The following ANKMY2 variants were observed in gnomAD, a reference collection of about 807,000 sequenced individuals.
ANKMY2 encodes ankyrin repeat and MYND domain-containing protein 2.
In ANKMY2, 36 loss-of-function variants were observed where a neutral mutation model predicts 50.4. The ratio of observed to expected loss-of-function variants is 0.71; its 90% CI spans 0.55 to 0.94. The LOEUF is 0.94. Among genes scored for constraint, ANKMY2 ranks in the 40% least tolerant of loss-of-function variants. The pLI is 0.00. For missense variants in ANKMY2, 565 were observed against 524.0 expected, an observed-to-expected ratio of 1.08 and a Z score of -0.76; for synonymous variants, 187 against 178.8, an observed-to-expected ratio of 1.05 and a Z score of -0.36.
chr7:16,604,990 T>C, intron 7 of ANKMY2, 141 bp from the exon 8 acceptor site: 3 of 810,430 alleles, frequency 3.7e-6, no homozygotes, highest in Non-Finnish European at 5.2e-6. Context: ...TTACACAGGC[T>C]TTAAGACAAA....
chr7:16,631,747 T>C (rs1781589228), intron 2 of ANKMY2, among the ~76,000 whole-genome samples: 1 of 151,926 alleles, frequency 6.6e-6, no homozygotes, highest in Non-Finnish European at 1.5e-5. Flanking sequence ...CCCAAGTAGC[T>C]AGAACTACAG....
intron 4 of ANKMY2, among the ~76,000 whole-genome samples, chr7:16,620,591 T>TACACACAC (rs58418780): frequency 0.019 from 2,765 of 145,554 alleles, 75 homozygotes; most frequent in African/African-American, 0.061. Context: ...AATACATGTG[T>TACACACAC]ACACACACAC....
At chr7:16,636,542 G>T in intron 1 of ANKMY2, 87 bp from the exon 2 acceptor site, 2 of 1,031,222 alleles carry the variant, frequency 1.9e-6, no homozygotes, top group Non-Finnish European at 2.8e-6. Context: ...ACCTTAAGGA[G>T]TTATCTGTAA....
intron 7 of ANKMY2, among the ~76,000 whole-genome samples, chr7:16,606,958 A>G (rs777913345): frequency 1.6e-4 from 25 of 152,320 alleles, no homozygotes; most frequent in Middle Eastern, 3.4e-3. Context: ...GGGCCCAGGC[A>G]TTAGCACTGT....
intron 8 of ANKMY2, 137 bp from the exon 9 acceptor site, chr7:16,602,646 T>C: frequency 2.6e-6 from 3 of 1,168,712 alleles, no homozygotes; most frequent in Non-Finnish European, 3.5e-6. Flanking sequence ...GTGGTTGATA[T>C]AGTTTGGATG....
chr7:16,625,149 C>A, intron 3 of ANKMY2, 68 bp from the exon 4 acceptor site: 2 of 1,216,956 alleles, frequency 1.6e-6, no homozygotes, highest in Admixed American at 1.8e-5. Context: ...CCTTTCTAAA[C>A]TCTCTATACC....
intron 7 of ANKMY2, among the ~76,000 whole-genome samples, chr7:16,606,166 A>G (rs113992061): frequency 0.017 from 2,553 of 150,940 alleles, 69 homozygotes; most frequent in African/African-American, 0.059. Context: ...TGTGGTGGCT[A>G]GCGCCTGTAA....
At chr7:16,631,910 C>T (rs1301859135) in intron 2 of ANKMY2, among the ~76,000 whole-genome samples, 5 of 151,926 alleles carry the variant, frequency 3.3e-5, no homozygotes, top group African/African-American at 7.3e-5. Flanking sequence ...GCACTGTGCC[C>T]GGCCCAGTTT....
intron 7 of ANKMY2, among the ~76,000 whole-genome samples, chr7:16,606,971 GA>G (rs1293569006): frequency 6.6e-6 from 1 of 152,146 alleles, no homozygotes; most frequent in African/African-American, 2.4e-5. Context: ...AGCACTGTCA[GA>G]AAACAACACA....
chr7:16,606,971 G>C (rs1353814258), intron 7 of ANKMY2, among the ~76,000 whole-genome samples: 2 of 152,146 alleles, frequency 1.3e-5, no homozygotes, highest in Non-Finnish European at 2.9e-5. Flanking sequence ...AGCACTGTCA[G>C]AAAACAACAC....
At chr7:16,627,448 G>T (rs1183101231) in intron 2 of ANKMY2, among the ~76,000 whole-genome samples, 6 of 151,900 alleles carry the variant, frequency 3.9e-5, no homozygotes, top group African/African-American at 1.2e-4. Flanking sequence ...GTGGGGGCAG[G>T]GATTGAAACC....
chr7:16,630,879 G>T (rs891230648), intron 2 of ANKMY2, among the ~76,000 whole-genome samples: 1 of 152,198 alleles, frequency 6.6e-6, no homozygotes, highest in African/African-American at 2.4e-5. Context: ...ATAACTACAG[G>T]AAGGATGCTC....
At chr7:16,624,887 CATG>C (rs1781488783) in intron 4 of ANKMY2, 93 bp downstream of exon 4, 3 of 986,240 alleles carry the variant, frequency 3.0e-6, no homozygotes, top group Non-Finnish European at 4.6e-6. Flanking sequence ...TTTAAAGCAA[CATG>C]ATAATATTTT....
chr7:16,616,835 G>GTGC (rs1478380877), intron 4 of ANKMY2, among the ~76,000 whole-genome samples: 2 of 152,224 alleles, frequency 1.3e-5, no homozygotes, highest in Non-Finnish European at 2.9e-5. Flanking sequence ...CTGCCTGCTT[G>GTGC]TGCTTGGTCC....
intron 3 of ANKMY2, among the ~76,000 whole-genome samples, chr7:16,626,198 C>G (rs1289709534): frequency 6.6e-6 from 1 of 151,942 alleles, no homozygotes; most frequent in Non-Finnish European, 1.5e-5. Context: ...CTAGGATGGT[C>G]CGAACTCCTG....
At chr7:16,635,071 G>T (rs1307677315) in intron 2 of ANKMY2, among the ~76,000 whole-genome samples, 5 of 152,080 alleles carry the variant, frequency 3.3e-5, no homozygotes, top group African/African-American at 1.2e-4. Context: ...AATGTTCATA[G>T]AAGCTTTATG....
At chr7:16,605,675 T>C (rs1162349094) in intron 7 of ANKMY2, among the ~76,000 whole-genome samples, 23,550 of 84,338 alleles carry the variant, frequency 0.28, 2,390 homozygotes, top group East Asian at 0.58. Context: ...TTTTTTGTAC[T>C]TTTTTTTTTT....
chr7:16,644,866 G>C, intron 1 of ANKMY2: 1 of 367,440 alleles, frequency 2.7e-6, no homozygotes, highest in Non-Finnish European at 5.5e-6. Context: ...GGTCTCATCT[G>C]TGCAACGTGG....
chr7:16,601,012 A>G, intron 9 of ANKMY2, 67 bp from the exon 10 acceptor site: 1 of 1,266,220 alleles, frequency 7.9e-7, no homozygotes, highest in South Asian at 1.7e-5. Flanking sequence ...AATGCTTTAC[A>G]TGTATTATTT....
Sources: gnomAD v4.1 joint callset for allele counts (sites outside exome capture counted in the v4.1 genomes callset) on GRCh38, gnomAD v4.1.1 for gene constraint, MANE v1.5 for transcripts, NCBI Gene and HGNC (gene_info 2026-07-23, HGNC 2026-07-21) for gene names.